Variants in PPP4R3B observed in about 807,000 individuals in gnomAD.
PPP4R3B encodes the protein serine/threonine-protein phosphatase 4 regulatory subunit 3B.
In PPP4R3B, 52 loss-of-function variants were observed where a neutral mutation model predicts 95.4. That is an observed-to-expected ratio of 0.54 (90% CI 0.44 to 0.69). The LOEUF is 0.69. Ranked by LOEUF, PPP4R3B falls within the 30% of genes least tolerant of loss-of-function variation. PPP4R3B has a pLI of 0.00. For synonymous variants in PPP4R3B, 407 were observed against 343.9 expected, an observed-to-expected ratio of 1.18 and a Z score of -2.03; for missense variants, 1,003 against 1,005.9, an observed-to-expected ratio of 1.00 and a Z score of 0.04.
At chr2:55,600,712 AT>A (rs1413822584) in intron 3 of PPP4R3B, among the ~76,000 whole-genome samples, 1 of 152,244 alleles carries the variant, frequency 6.6e-6, no homozygotes, top group Middle Eastern at 3.4e-3. Flanking sequence ...GCTATCTAAT[AT>A]CCCTTCCAAA....
intron 16 of PPP4R3B, among the ~76,000 whole-genome samples, chr2:55,551,753 AAAATAAAT>A (rs34049444): frequency 4.6e-5 from 7 of 151,272 alleles, no homozygotes; most frequent in East Asian, 2.0e-4. Context: ...CTCCATCTCA[AAAATAAAT>A]AAATAAATAA....
At chr2:55,586,543 A>G (rs1690176060) in intron 6 of PPP4R3B, 75 bp downstream of exon 6, 1 of 786,052 alleles carries the variant, frequency 1.3e-6, no homozygotes, top group Non-Finnish European at 2.1e-6. Context: ...ACATTATTAT[A>G]TATTTTCCCA....
intron 1 of PPP4R3B, among the ~76,000 whole-genome samples, 195 bp downstream of exon 1, chr2:55,616,949 G>A (rs557070166): frequency 6.6e-6 from 1 of 152,236 alleles, no homozygotes; most frequent in African/African-American, 2.4e-5. Context: ...GATGGGAGAA[G>A]GACAGAGAGT....
Position 55,564,970 on chromosome 2 carries a change from A to C in PPP4R3B, c.2007T>G (p.Val669=), listed in dbSNP as rs1222137501. 1 of 1,610,142 alleles carries C rather than the reference A, an allele frequency of 6.2e-7. No individual in the cohort carries two copies. The highest frequency in any genetic ancestry group is 1.3e-5 in the African/African-American group (1 of 74,852). Residue 669 remains valine, a synonymous_variant, in exon 14 of 17, where the codon GTT becomes GTG. Transcript: ENST00000616407. ...TAGTCTTCAATCCTTTGAATGTCTGAACATATTCAATCGATTCAAGTGCTT... is the reference window on the plus strand; with the variant it reads ...TAGTCTTCAATCCTTTGAATGTCTGCACATATTCAATCGATTCAAGTGCTT... The part of the protein sequence containing the change: ...FYKALESIEY[V]QTFKGLKTKY...
At chr2:55,596,137 G>T (rs1691747285) in intron 4 of PPP4R3B, among the ~76,000 whole-genome samples, 1 of 151,848 alleles carries the variant, frequency 6.6e-6, no homozygotes, top group Admixed American at 6.6e-5. Context: ...TCTCAAAATG[G>T]AAGAAAACAT....
intron 7 of PPP4R3B, among the ~76,000 whole-genome samples, chr2:55,583,438 T>C (rs1689692847): frequency 6.6e-6 from 1 of 152,142 alleles, no homozygotes; most frequent in South Asian, 2.1e-4. Context: ...AAGTCTTAGG[T>C]ATCAATTAAA....
intron 2 of PPP4R3B, among the ~76,000 whole-genome samples, chr2:55,605,743 T>C (rs1693281337): frequency 6.6e-6 from 1 of 151,786 alleles, no homozygotes; most frequent in African/African-American, 2.4e-5. Context: ...CCGTCTCTAC[T>C]AAAAATACAA....
chr2:55,597,249 G>A (rs896437803), intron 4 of PPP4R3B, among the ~76,000 whole-genome samples: 1 of 152,140 alleles, frequency 6.6e-6, no homozygotes, highest in Admixed American at 6.5e-5. Context: ...CACTTTGGGA[G>A]GCCGGGGCAG....
chr2:55,615,058 G>C, intron 2 of PPP4R3B: 1 of 158,678 alleles, frequency 6.3e-6, no homozygotes, highest in South Asian at 1.7e-4. Flanking sequence ...ACCTTTACTT[G>C]AGTCAAAGGA....
intron 8 of PPP4R3B, among the ~76,000 whole-genome samples, chr2:55,580,329 T>A (rs1248241657): frequency 6.6e-6 from 1 of 152,160 alleles, no homozygotes; most frequent in East Asian, 1.9e-4. Context: ...AGCACCATAA[T>A]CACTATTGAT....
chr2:55,602,709 C>G (rs774967519), intron 3 of PPP4R3B, among the ~76,000 whole-genome samples: 16 of 152,170 alleles, frequency 1.1e-4, no homozygotes, highest in Non-Finnish European at 1.6e-4. Flanking sequence ...GTGATTCCAC[C>G]AGGAGAGAGA....
intron 5 of PPP4R3B, among the ~76,000 whole-genome samples, chr2:55,588,671 C>T (rs753594540): frequency 1.3e-5 from 2 of 152,176 alleles, no homozygotes; most frequent in South Asian, 4.1e-4. Context: ...TACATCAGAA[C>T]ATCCTAAGAA....
At chr2:55,567,855 C>T (rs1410299268) in intron 13 of PPP4R3B, among the ~76,000 whole-genome samples, 1 of 152,106 alleles carries the variant, frequency 6.6e-6, no homozygotes, top group Non-Finnish European at 1.5e-5. Flanking sequence ...GATCATGAAA[C>T]ATTTGGCCAA....
intron 15 of PPP4R3B, among the ~76,000 whole-genome samples, chr2:55,561,650 G>A (rs1007083742): frequency 1.3e-5 from 2 of 152,240 alleles, no homozygotes; most frequent in Non-Finnish European, 1.5e-5. Context: ...TGGAGTCAAA[G>A]GAGATTATTT....
chr2:55,612,316 C>G (rs189035245), intron 2 of PPP4R3B, among the ~76,000 whole-genome samples: 51 of 152,264 alleles, frequency 3.3e-4, no homozygotes, highest in African/African-American at 1.2e-3. Context: ...ACTTTCTAGA[C>G]TAATTTATTG....
chr2:55,551,036 C>T (rs960566108), intron 16 of PPP4R3B, among the ~76,000 whole-genome samples: 3 of 152,022 alleles, frequency 2.0e-5, no homozygotes, highest in African/African-American at 7.2e-5. Context: ...AATGACACCA[C>T]GTTTTATGTA....
chr2:55,594,383 C>T (rs191980851), intron 4 of PPP4R3B, among the ~76,000 whole-genome samples: 1 of 150,592 alleles, frequency 6.6e-6, no homozygotes. Context: ...AAATAACAGA[C>T]AGTTCACAGA....
Position 55,567,697 on chromosome 2 carries a change from T to TA in PPP4R3B, c.1935+496dup, listed in dbSNP as rs1429402677. The stretch of plus-strand genomic sequence containing the variant: ...TCCCAAAGTGCTGGGATTACAGACG[T>TA]AAGCCACCACGCCCAACCCCAAGTG... On this transcript the variant is annotated intron_variant, in intron 13 of 16. Coordinates refer to ENST00000616407, the MANE Select transcript of PPP4R3B (RefSeq NM_001122964.3). Among the ~76,000 whole-genome samples, 59 of 152,320 alleles carry TA rather than the reference T, an allele frequency of 3.9e-4. 1 individual carries two copies. Among genetic ancestry groups the TA allele is most frequent in the Admixed American group, 3.6e-3 (55 of 15,302 alleles).
chr2:55,553,997 A>G (rs35057183), intron 16 of PPP4R3B, among the ~76,000 whole-genome samples: 13,658 of 152,186 alleles, frequency 0.09, 751 homozygotes, highest in South Asian at 0.14. Context: ...GTCATATGGT[A>G]ACTCTGGGTC....
Sources: gnomAD v4.1 joint callset for allele counts (sites outside exome capture counted in the v4.1 genomes callset) on GRCh38, gnomAD v4.1.1 for gene constraint, MANE v1.5 for transcripts, NCBI Gene and HGNC (gene_info 2026-07-23, HGNC 2026-07-21) for gene names.